The following NRF1 variants were observed in gnomAD, a reference collection of about 807,000 sequenced individuals.
NRF1 encodes alpha palindromic-binding protein.
In NRF1, 5 loss-of-function variants were observed where a neutral mutation model predicts 58.5. The observed-to-expected ratio is 0.09, with a 90% CI of 0.04 to 0.18. The LOEUF is 0.18. NRF1 is among the 10% of genes least tolerant of loss of function. The pLI, the probability that NRF1 is intolerant of heterozygous loss-of-function variation, is 1.00. For synonymous variants in NRF1, 224 were observed against 246.7 expected, an observed-to-expected ratio of 0.91 and a Z score of 0.86; for missense variants, 288 against 657.7, an observed-to-expected ratio of 0.44 and a Z score of 6.15.
intron 5 of NRF1, among the ~76,000 whole-genome samples, chr7:129,691,361 A>ATT (rs752895743): frequency 1.0e-3 from 91 of 90,878 alleles, no homozygotes; most frequent in South Asian, 3.3e-3. Flanking sequence ...TATTATTATT[A>ATT]TTATTTTTTT....
Position 129,702,881 on chromosome 7 carries a change from G to A in NRF1, c.607-6194G>A, listed in dbSNP as rs75010888. ...GGTAATTGAGCCTAAATGGACATCA[G>A]GAGCCTCAAAATCCCTAGACTCAGA... On this transcript the variant is annotated intron_variant, in intron 5 of 10. Transcript: ENST00000393232. Among the ~76,000 whole-genome samples the A allele has an allele frequency of 1.2e-4, 18 of 152,228 alleles. No homozygotes were observed. The East Asian group carries it at 2.9e-3, about 25-fold the overall frequency.
intron 10 of NRF1, among the ~76,000 whole-genome samples, chr7:129,746,303 C>T (rs1447661508): frequency 6.6e-6 from 1 of 152,148 alleles, no homozygotes; most frequent in African/African-American, 2.4e-5. Context: ...CTTGGACCTC[C>T]TTTTTGTTTG....
At chr7:129,705,607 T>C (rs969345322) in intron 5 of NRF1, among the ~76,000 whole-genome samples, 5 of 152,060 alleles carry the variant, frequency 3.3e-5, no homozygotes, top group African/African-American at 1.2e-4. Flanking sequence ...TTCTTTTTGG[T>C]AGAAAGAGCT....
At position 129,729,112 on chromosome 7, in the gene NRF1, A is replaced by T. The variant is rs1024244631; in HGVS notation, c.1348+1747A>T. Among the ~76,000 whole-genome samples the T allele has an allele frequency of 3.9e-5, 6 of 152,186 alleles. No individual in the cohort carries two copies. In the East Asian group the frequency reaches 9.6e-4, roughly 24 times the overall value. On this transcript the variant is annotated intron_variant, in intron 10 of 10. Transcript: ENST00000393232. ...ATGGAACTGCTAAAAATAACTTCCC[A>T]TGTGGGTTCAGTAGGAAACTTTATT...
At chr7:129,631,464 C>T (rs994212331) in intron 1 of NRF1, among the ~76,000 whole-genome samples, 1 of 152,010 alleles carries the variant, frequency 6.6e-6, no homozygotes, top group Non-Finnish European at 1.5e-5. Context: ...AACGAGGTCT[C>T]GCTATATTGC....
intron 2 of NRF1, among the ~76,000 whole-genome samples, chr7:129,660,018 C>G (rs955437457): frequency 6.6e-6 from 1 of 152,152 alleles, no homozygotes; most frequent in African/African-American, 2.4e-5. Flanking sequence ...GGAGGCCTCA[C>G]AATCATGGTG....
At chr7:129,746,856 C>T (rs768939072) in intron 10 of NRF1, among the ~76,000 whole-genome samples, 3 of 152,214 alleles carry the variant, frequency 2.0e-5, no homozygotes, top group Non-Finnish European at 2.9e-5. Context: ...CTCTCTTTTT[C>T]TCTCAACAGC....
chr7:129,637,373 G>A (rs1032276843), intron 1 of NRF1, among the ~76,000 whole-genome samples: 4 of 152,046 alleles, frequency 2.6e-5, no homozygotes, highest in Non-Finnish European at 4.4e-5. Context: ...GATTTCATGA[G>A]TTTGGAGGCC....
rs139047141 is a variant in NRF1 at position 129,688,626 on chromosome 7, C to T, written c.466-1780C>T. Among the ~76,000 whole-genome samples the T allele has an allele frequency of 7.7e-3, 1,178 of 152,036 alleles. 7 individuals carry two copies. The highest frequency in any genetic ancestry group is 0.013 in the Non-Finnish European group (868 of 67,980). On this transcript the variant is annotated intron_variant, in intron 4 of 10. Coordinates refer to ENST00000393232, the MANE Select transcript of NRF1 (RefSeq NM_005011.5). ...CAGTTCCACATGGCTAGGGAGGCTT[C>T]AGGAAACTTAACAATCATGGCAGAA...
intron 4 of NRF1, among the ~76,000 whole-genome samples, chr7:129,678,046 A>G (rs1802224099): frequency 6.6e-6 from 1 of 152,224 alleles, no homozygotes; most frequent in African/African-American, 2.4e-5. Context: ...AAACCAATGC[A>G]GGATTTTCTA....
chr7:129,719,206 C>T (rs1562981995), intron 9 of NRF1, among the ~76,000 whole-genome samples: 2 of 151,492 alleles, frequency 1.3e-5, no homozygotes, highest in Admixed American at 6.6e-5. Flanking sequence ...GTTCTCGGCT[C>T]ACCACAACCT....
intron 10 of NRF1, among the ~76,000 whole-genome samples, chr7:129,754,553 G>A (rs529840606): frequency 6.6e-6 from 1 of 151,544 alleles, no homozygotes; most frequent in African/African-American, 2.4e-5. Context: ...TCTGGGGAAG[G>A]GTTGGGGAGG....
At chr7:129,748,704 CAA>C (rs1804041370) in intron 10 of NRF1, among the ~76,000 whole-genome samples, 1 of 152,148 alleles carries the variant, frequency 6.6e-6, no homozygotes, top group Non-Finnish European at 1.5e-5. Flanking sequence ...TTTTGCCAAA[CAA>C]TATTTTAAGA....
rs1042990655 is a variant in NRF1 at position 129,755,665 on chromosome 7, G to C, written c.*484G>C. 6.6e-6 allele frequency: 1 copy of C among 152,548 alleles called. No homozygotes were observed. The highest frequency in any genetic ancestry group is 6.5e-5 in the Admixed American group (1 of 15,276). 9.4% of individuals were successfully genotyped at this position (152,548 alleles called of 1,614,324 possible). A position where few individuals can be genotyped will look rare whatever the true frequency, so the allele number is the denominator to read the frequency against. On this transcript the variant is annotated 3_prime_UTR_variant, in exon 11 of 11. Transcript: ENST00000393232. This position sits in a 1 kb window ranked among gnomAD's most constrained non-coding sequence, Gnocchi z 5.8. ...GTGGTAGGGTACGTGGCCAGACACA[G>C]TCACCCAGTTTTTGTTCATACCAGG...
chr7:129,639,853 C>G (rs570904993), intron 1 of NRF1, among the ~76,000 whole-genome samples: 11 of 152,262 alleles, frequency 7.2e-5, no homozygotes, highest in Non-Finnish European at 1.2e-4. Context: ...CTTCCGCCCC[C>G]CCTTTTTTAA....
intron 5 of NRF1, 129 bp from the exon 6 acceptor site, chr7:129,708,946 A>C: frequency 1.4e-6 from 1 of 702,652 alleles, no homozygotes; most frequent in Non-Finnish European, 2.1e-6. Flanking sequence ...GGTTTTCATC[A>C]GTCACATCTT....
In NRF1 at chr7:129,710,382, G is replaced by T; in HGVS notation, c.774G>T (p.Trp258Cys). The change falls in exon 7 of 11, where the codon TGG (tryptophan) becomes TGT (cysteine). Residue 258 changes from tryptophan (W) to cysteine (C), a missense_variant. Physicochemically the swap from Trp to Cys is radical, Grantham distance 215. Coordinates refer to ENST00000393232, the MANE Select transcript of NRF1 (RefSeq NM_005011.5). ...CGGTCATTTGGTGACAGGTTTCATG[G>T]ACCCAGGCACTACGGACCATAGTTA... ...RTEEQKQRVS[W>C]TQALRTIVKN... 6.2e-7 allele frequency: 1 copy of T among 1,614,160 alleles called. No homozygotes were observed. Among genetic ancestry groups the T allele is most frequent in the South Asian group, 1.1e-5 (1 of 91,074 alleles).
At chr7:129,625,286 G>A (rs1057243487) in intron 1 of NRF1, among the ~76,000 whole-genome samples, 2 of 152,102 alleles carry the variant, frequency 1.3e-5, no homozygotes, top group African/African-American at 2.4e-5. Flanking sequence ...AAGATCCTTA[G>A]TTACATCTCT....
chr7:129,647,404 CTT>C (rs1274782003), intron 1 of NRF1, among the ~76,000 whole-genome samples: 21 of 131,520 alleles, frequency 1.6e-4, no homozygotes, highest in Admixed American at 3.1e-4. Flanking sequence ...TCTTTTCTTG[CTT>C]TTTTTTTTTT....
Sources: allele counts gnomAD v4.1 joint callset (sites outside exome capture counted in the v4.1 genomes callset), GRCh38; gene constraint gnomAD v4.1.1; non-coding constraint Gnocchi (gnomAD v3.1); transcripts MANE v1.5; gene names NCBI Gene and HGNC (gene_info 2026-07-23, HGNC 2026-07-21).